Variants in PARP8 observed in about 807,000 individuals in gnomAD.
PARP8 encodes the protein poly(ADP-ribose) polymerase family member 8.
Under a neutral mutation model 124.1 loss-of-function variants are expected in PARP8, and 51 were observed. The ratio of observed to expected loss-of-function variants is 0.41; its 90% CI spans 0.33 to 0.52. The LOEUF is 0.52. PARP8 is among the 20% of genes least tolerant of loss of function. The pLI is 0.21. For missense variants in PARP8, 860 were observed against 1,018.9 expected, an observed-to-expected ratio of 0.84 and a Z score of 2.12; for synonymous variants, 391 against 361.5, an observed-to-expected ratio of 1.08 and a Z score of -0.93.
chr5:50,735,200 A>G (rs1478404135), intron 2 of PARP8, among the ~76,000 whole-genome samples: 9 of 152,090 alleles, frequency 5.9e-5, no homozygotes, highest in Non-Finnish European at 1.2e-4. Context: ...TGCATGGCCT[A>G]CAAATATTGA....
At chr5:50,756,381 T>C (rs1186053766) in intron 3 of PARP8, among the ~76,000 whole-genome samples, 1 of 152,164 alleles carries the variant, frequency 6.6e-6, no homozygotes, top group Non-Finnish European at 1.5e-5. Flanking sequence ...CTTTAAGTCC[T>C]TTCTTTAACC....
At chr5:50,761,737 G>C in intron 5 of PARP8, 84 bp from the exon 6 acceptor site, 3 of 853,650 alleles carry the variant, frequency 3.5e-6, no homozygotes, top group Non-Finnish European at 5.5e-6. Flanking sequence ...ATATGCTCAA[G>C]ACTTGCCTAT....
At chr5:50,703,648 T>G (rs1753822674) in intron 2 of PARP8, among the ~76,000 whole-genome samples, 1 of 152,136 alleles carries the variant, frequency 6.6e-6, no homozygotes, top group Non-Finnish European at 1.5e-5. Context: ...TTCTCTACTG[T>G]TTTAATAAAA....
chr5:50,714,637 A>G (rs1394631956), intron 2 of PARP8, among the ~76,000 whole-genome samples: 2 of 152,098 alleles, frequency 1.3e-5, no homozygotes, highest in Non-Finnish European at 2.9e-5. Flanking sequence ...CTGGGGGATT[A>G]AGTTATTGCC....
intron 1 of PARP8, 26 bp downstream of exon 1, chr5:50,667,212 C>T: frequency 6.3e-7 from 1 of 1,594,852 alleles, no homozygotes; most frequent in South Asian, 1.1e-5. Context: ...TCCAGAACCT[C>T]GGACCCAGCG....
intron 2 of PARP8, among the ~76,000 whole-genome samples, chr5:50,696,596 A>G (rs11750771): frequency 0.85 from 128,755 of 152,136 alleles, 54,848 homozygotes; most frequent in East Asian, 0.96. Flanking sequence ...TTGCTCTGAT[A>G]TCTGTCCTTT....
intron 14 of PARP8, among the ~76,000 whole-genome samples, chr5:50,801,646 C>A (rs1743242418): frequency 6.6e-6 from 1 of 152,148 alleles, no homozygotes; most frequent in Non-Finnish European, 1.5e-5. Context: ...ACAGATTCTT[C>A]ATTTCATTGA....
chr5:50,666,265 A>T (rs1749268673), upstream of PARP8: 1 of 152,202 alleles, frequency 6.6e-6, no homozygotes, highest in Admixed American at 6.5e-5. Context: ...TCGTTTTATT[A>T]TTTTTTTAAT....
intron 25 of PARP8, among the ~76,000 whole-genome samples, chr5:50,839,462 A>G (rs1213004085): frequency 6.6e-6 from 1 of 151,924 alleles, no homozygotes; most frequent in Non-Finnish European, 1.5e-5. Flanking sequence ...CAACTTATGT[A>G]TCTAAGCCTT....
At chr5:50,681,250 C>A (rs968262624) in intron 2 of PARP8, among the ~76,000 whole-genome samples, 2 of 152,006 alleles carry the variant, frequency 1.3e-5, no homozygotes, top group Non-Finnish European at 2.9e-5. Flanking sequence ...TCATAAGATA[C>A]AATTAAGCAA....
chr5:50,741,726 G>T, intron 2 of PARP8: 1 of 327,544 alleles, frequency 3.1e-6, no homozygotes, highest in Non-Finnish European at 5.9e-6. Context: ...ATGTTTGTTG[G>T]GCAAGAGTCT....
At chr5:50,731,636 A>T (rs933612529) in intron 2 of PARP8, among the ~76,000 whole-genome samples, 1 of 152,140 alleles carries the variant, frequency 6.6e-6, no homozygotes, top group Non-Finnish European at 1.5e-5. Flanking sequence ...GGAAAGCATG[A>T]GGTATAGGAC....
intron 14 of PARP8, among the ~76,000 whole-genome samples, chr5:50,800,518 C>G (rs1743084480): frequency 6.6e-6 from 1 of 152,078 alleles, no homozygotes; most frequent in Non-Finnish European, 1.5e-5. Flanking sequence ...GGAAAATGTT[C>G]AGCCTTTCAC....
At position 50,754,667 on chromosome 5, in the gene PARP8, A is replaced by C. The variant is rs1472652307; in HGVS notation, c.184+4479A>C. Among the ~76,000 whole-genome samples, 2 of 152,238 alleles carry C rather than the reference A, an allele frequency of 1.3e-5. 1 individual carries two copies. Among genetic ancestry groups the C allele is most frequent in the Non-Finnish European group, 2.9e-5 (2 of 68,042 alleles). On this transcript the variant is annotated intron_variant, in intron 3 of 25. Transcript: ENST00000281631. ...GTACGTATGCATGTGTCTTTATAGC[A>C]GCATGATTTATAATCCTTTGGGTAT...
In PARP8 at chr5:50,675,949, A is replaced by G. The variant is rs1040794674; in HGVS notation, c.146+7824A>G. ...AATATTTCTAGTTTCTTAAATGACTAGTAATATTCCTACATTATGTGATGG... is the reference window on the plus strand; with the variant it reads ...AATATTTCTAGTTTCTTAAATGACTGGTAATATTCCTACATTATGTGATGG... On this transcript the variant is annotated intron_variant, in intron 2 of 25. Transcript: ENST00000281631. 2.6e-5 allele frequency among the ~76,000 whole-genome samples: 4 copies of G among 152,250 alleles called. No individual in the cohort carries two copies. In the East Asian group the frequency reaches 7.7e-4, roughly 29 times the overall value.
In PARP8 at chr5:50,798,756, T is replaced by C. The variant is rs889558568; in HGVS notation, c.1575+1523T>C. Among the ~76,000 whole-genome samples, 14 of 152,178 alleles carry C rather than the reference T, an allele frequency of 9.2e-5. 1 individual carries two copies. The highest frequency in any genetic ancestry group is 3.4e-4 in the African/African-American group (14 of 41,450). On this transcript the variant is annotated intron_variant, in intron 14 of 25. Transcript: ENST00000281631. ...GCACCCGGCCGAAGCAGTTTCTTAT[T>C]GTGGTTTTCTTATGCACTTCCCTGA...
chr5:50,746,669 TA>T (rs1293704903), intron 2 of PARP8, among the ~76,000 whole-genome samples: 1 of 152,220 alleles, frequency 6.6e-6, no homozygotes, highest in Non-Finnish European at 1.5e-5. Flanking sequence ...CTGATATATA[TA>T]TTTTTTTCTG....
At chr5:50,807,786 A>C (rs1442815749) in intron 14 of PARP8, among the ~76,000 whole-genome samples, 1 of 152,064 alleles carries the variant, frequency 6.6e-6, no homozygotes, top group African/African-American at 2.4e-5. Flanking sequence ...GTCCTTGACT[A>C]ATAGACTTTC....
At chr5:50,699,320 C>G (rs1253969089) in intron 2 of PARP8, among the ~76,000 whole-genome samples, 4 of 152,188 alleles carry the variant, frequency 2.6e-5, no homozygotes, top group African/African-American at 9.6e-5. Flanking sequence ...TCCCTTGCTA[C>G]GTAAGTCCGT....
Sources: gnomAD v4.1 joint callset for allele counts (sites outside exome capture counted in the v4.1 genomes callset) on GRCh38, gnomAD v4.1.1 for gene constraint, MANE v1.5 for transcripts, NCBI Gene and HGNC (gene_info 2026-07-23, HGNC 2026-07-21) for gene names.